The following FARS2 variants were observed in gnomAD, a reference collection of about 807,000 sequenced individuals.
FARS2 encodes phenylalanine--tRNA ligase, mitochondrial.
FARS2 carries 40 observed loss-of-function variants against 46.4 expected under a neutral mutation model. That is an observed-to-expected ratio of 0.86 (90% CI 0.67 to 1.12). The LOEUF (loss-of-function observed/expected upper bound fraction) is 1.12. FARS2 is among the 50% of genes most tolerant of loss of function. The pLI, the probability that FARS2 is intolerant of heterozygous loss-of-function variation, is 0.00. For missense variants in FARS2, 513 were observed against 567.9 expected, an observed-to-expected ratio of 0.90 and a Z score of 0.98; for synonymous variants, 234 against 214.9, an observed-to-expected ratio of 1.09 and a Z score of -0.78.
intron 5 of FARS2, among the ~76,000 whole-genome samples, chr6:5,561,388 G>A (rs891949146): frequency 6.6e-6 from 1 of 151,984 alleles, no homozygotes; most frequent in East Asian, 1.9e-4. Context: ...TTTGGTCTTT[G>A]TATGTCTGAG....
the FARS2 span, among the ~76,000 whole-genome samples, chr6:5,254,297 C>T: frequency 4.6e-5 from 7 of 152,120 alleles, no homozygotes; most frequent in African/African-American, 1.4e-4. Context: ...TGAAGCATCT[C>T]GACAACTTTT....
chr6:5,495,758 T>C (rs948513752), intron 4 of FARS2, among the ~76,000 whole-genome samples: 1 of 152,216 alleles, frequency 6.6e-6, no homozygotes, highest in Non-Finnish European at 1.5e-5. Flanking sequence ...TCTTCTCAGT[T>C]GAAGTAATCA....
Position 5,369,185 on chromosome 6 carries a change from G to A in FARS2, c.612+3G>A. 1 of 1,602,224 alleles carries A rather than the reference G, an allele frequency of 6.2e-7. No individual in the cohort carries two copies. The highest frequency in any genetic ancestry group is 8.5e-7 in the Non-Finnish European group (1 of 1,178,244). ...TGCGGCTCTTCTCCAAGCATGAGGT[G>A]AGTCTTGAGATGTTTCTCATCGCTG... On this transcript the variant is annotated splice_donor_region_variant and intron_variant, in intron 2 of 6. Transcript: ENST00000274680.
intron 5 of FARS2, among the ~76,000 whole-genome samples, chr6:5,562,724 ACACAG>A (rs1561715110): frequency 3.4e-4 from 52 of 151,480 alleles, no homozygotes; most frequent in African/African-American, 9.7e-4. Flanking sequence ...ACACACACAC[ACACAG>A]TGTTTTTCAT....
chr6:5,335,416 A>G (rs1042004705), intron 1 of FARS2, among the ~76,000 whole-genome samples: 1 of 152,188 alleles, frequency 6.6e-6, no homozygotes, highest in Non-Finnish European at 1.5e-5. Flanking sequence ...AAAGCTTACT[A>G]TATTGATGGA....
intron 3 of FARS2, among the ~76,000 whole-genome samples, chr6:5,420,808 C>T (rs997113261): frequency 6.6e-6 from 1 of 152,136 alleles, no homozygotes; most frequent in Admixed American, 6.5e-5. Flanking sequence ...TGGAGCTTAT[C>T]CCATCCCAGA....
chr6:5,441,850 A>C (rs897804021), intron 4 of FARS2, among the ~76,000 whole-genome samples: 7 of 152,156 alleles, frequency 4.6e-5, no homozygotes, highest in African/African-American at 1.4e-4. Flanking sequence ...CCCAATTTAT[A>C]TTGTCTTGAG....
chr6:5,703,288 T>C (rs1428178265), intron 6 of FARS2, among the ~76,000 whole-genome samples: 3 of 152,146 alleles, frequency 2.0e-5, no homozygotes, highest in Non-Finnish European at 4.4e-5. Context: ...CAGTGCCTTC[T>C]GACTGTCTGC....
At chr6:5,380,621 A>G (rs1465240469) in intron 2 of FARS2, among the ~76,000 whole-genome samples, 1 of 152,108 alleles carries the variant, frequency 6.6e-6, no homozygotes, top group Non-Finnish European at 1.5e-5. Context: ...AGCCGGTGCC[A>G]CTCGCATAGT....
chr6:5,641,789 C>T (rs981599027), intron 6 of FARS2, among the ~76,000 whole-genome samples: 1 of 152,214 alleles, frequency 6.6e-6, no homozygotes, highest in Admixed American at 6.5e-5. Flanking sequence ...TCAAAGATCT[C>T]ATACACCGAG....
chr6:5,718,389 G>T lies in FARS2; in HGVS notation c.1218-52902G>T, dbSNP rs73362302. 4.6e-3 allele frequency among the ~76,000 whole-genome samples: 698 copies of T among 152,296 alleles called. 5 individuals are homozygous for T. The highest frequency in any genetic ancestry group is 0.016 in the African/African-American group (652 of 41,558). ...GGTGGGATCTTGCTAAGTAGTTGTT[G>T]AGTAAATGAATCAGGTACTTGTTAC... On this transcript the variant is annotated intron_variant, in intron 6 of 6. Transcript: ENST00000274680.
intron 6 of FARS2, among the ~76,000 whole-genome samples, chr6:5,657,616 G>C (rs1281640936): frequency 6.6e-6 from 1 of 152,294 alleles, no homozygotes; most frequent in East Asian, 1.9e-4. Flanking sequence ...GGCTTCAGAG[G>C]GGTCTTGGTT....
intron 6 of FARS2, among the ~76,000 whole-genome samples, chr6:5,666,694 A>G (rs1223054846): frequency 1.3e-5 from 2 of 152,224 alleles, no homozygotes; most frequent in Non-Finnish European, 2.9e-5. Flanking sequence ...AAACAGAACT[A>G]ACATTTGACC....
intron 6 of FARS2, among the ~76,000 whole-genome samples, chr6:5,714,889 G>A (rs895612594): frequency 6.6e-6 from 1 of 152,168 alleles, no homozygotes; most frequent in Non-Finnish European, 1.5e-5. Flanking sequence ...GCTGGGTATG[G>A]TGATGGGCGC....
chr6:5,506,274 G>A (rs556324966), intron 4 of FARS2, among the ~76,000 whole-genome samples: 3 of 152,270 alleles, frequency 2.0e-5, no homozygotes, highest in Admixed American at 1.3e-4. Flanking sequence ...AGCTCCTAGC[G>A]GGACTCAGTA....
At position 5,431,057 on chromosome 6, in the gene FARS2, G is replaced by A; in HGVS notation, c.789G>A (p.Trp263Ter). 6.2e-7 allele frequency: 1 copy of A among 1,613,580 alleles called. No individual in the cohort carries two copies. Among genetic ancestry groups the A allele is most frequent in the Non-Finnish European group, 8.5e-7 (1 of 1,179,676 alleles). ...HLFGDELEIR[W>*]VDCYFPFTHP... ...ACTTTGCAGAGCTGGAGATAAGATGGGTAGACTGCTACTTCCCTTTTACAC... is the reference window on the plus strand; with the variant it reads ...ACTTTGCAGAGCTGGAGATAAGATGAGTAGACTGCTACTTCCCTTTTACAC... Residue 263 changes from tryptophan to a stop codon, truncating the protein, a stop_gained, in exon 4 of 7, where the codon TGG becomes TGA. Coordinates refer to ENST00000274680, the MANE Select transcript of FARS2 (RefSeq NM_006567.5). LOFTEE classifies it high-confidence loss of function.
chr6:5,578,327 G>A lies in FARS2; in HGVS notation c.1065+32987G>A, dbSNP rs188495772. Among the ~76,000 whole-genome samples the A allele has an allele frequency of 5.0e-3, 756 of 152,138 alleles. 5 individuals are homozygous for A. The highest frequency in any genetic ancestry group is 8.3e-3 in the Non-Finnish European group (566 of 68,002). ...CTGTGGCCCCTTCTCACTGGGCAGG[G>A]AGGGAACTCTGGGCTGCGCTGAGGT... On this transcript the variant is annotated intron_variant, in intron 5 of 6. Transcript: ENST00000274680.
intron 1 of FARS2, among the ~76,000 whole-genome samples, chr6:5,333,007 T>C (rs1770905752): frequency 6.6e-6 from 1 of 152,256 alleles, no homozygotes; most frequent in African/African-American, 2.4e-5. Flanking sequence ...GATTTTCTTA[T>C]ATGATCTTTT....
intron 3 of FARS2, among the ~76,000 whole-genome samples, chr6:5,415,843 A>C (rs1458651086): frequency 6.6e-6 from 1 of 152,110 alleles, no homozygotes; most frequent in Non-Finnish European, 1.5e-5. Flanking sequence ...AGTAATGGGG[A>C]TTACAGGTGC....
Sources: gnomAD v4.1 joint callset for allele counts (sites outside exome capture counted in the v4.1 genomes callset) on GRCh38, gnomAD v4.1.1 for gene constraint, MANE v1.5 for transcripts, NCBI Gene and HGNC (gene_info 2026-07-23, HGNC 2026-07-21) for gene names.